The following ROCK1 variants were observed in gnomAD, a reference collection of about 807,000 sequenced individuals.
ROCK1 encodes Rho associated coiled-coil containing protein kinase 1, also known as rho-associated protein kinase 1.
A neutral mutation model predicts 196.8 loss-of-function variants in ROCK1; 36 were observed. That is an observed-to-expected ratio of 0.18 (90% CI 0.14 to 0.24). ROCK1 has a LOEUF of 0.24. Ranked by LOEUF, ROCK1 falls within the 10% of genes least tolerant of loss-of-function variation. The pLI is 1.00. For missense variants in ROCK1, 920 were observed against 1,562.0 expected, an observed-to-expected ratio of 0.59 and a Z score of 6.93; for synonymous variants, 443 against 515.9, an observed-to-expected ratio of 0.86 and a Z score of 1.91.
At position 20,950,665 on chromosome 18, in the gene ROCK1, T is replaced by TA. The variant is rs1351325417; in HGVS notation, c.*718dup. 1 of 152,468 alleles carries TA rather than the reference T, an allele frequency of 6.6e-6. No individual in the cohort carries two copies. Among genetic ancestry groups the TA allele is most frequent in the African/African-American group, 2.4e-5 (1 of 41,394 alleles). 9.4% of individuals were successfully genotyped at this position (152,468 alleles called of 1,614,324 possible). A position where few individuals can be genotyped will look rare whatever the true frequency, so the allele number is the denominator to read the frequency against. On this transcript the variant is annotated 3_prime_UTR_variant, in exon 33 of 33. Transcript: ENST00000399799. The stretch of plus-strand genomic sequence containing the variant: ...GTTAGTTTCCTAATGTCTCTAGTAG[T>TA]AAAATAACTCAATATGGCTTGGCAA...
chr18:21,082,889 TA>T (rs1216925470), intron 1 of ROCK1, among the ~76,000 whole-genome samples: 1 of 152,082 alleles, frequency 6.6e-6, no homozygotes, highest in Non-Finnish European at 1.5e-5. Flanking sequence ...GACATAAAAT[TA>T]TCTATTCACA....
In ROCK1 at chr18:21,021,688, C is replaced by A. The variant is rs116781553; in HGVS notation, c.1273-1449G>T. Among the ~76,000 whole-genome samples, 1,478 of 152,110 alleles carry A rather than the reference C, an allele frequency of 9.7e-3. 18 individuals are homozygous for A. The highest frequency in any genetic ancestry group is 0.034 in the African/African-American group (1,425 of 41,508). ...TCTAGGTTGAAATAATTAGTATATCCCCCCTGATATTATTAGAGCAAAAGA... is the reference window on the plus strand; with the variant it reads ...TCTAGGTTGAAATAATTAGTATATCACCCCTGATATTATTAGAGCAAAAGA... On this transcript the variant is annotated intron_variant, in intron 11 of 32. Transcript: ENST00000399799.
chr18:20,982,504 G>A (rs1448055809), intron 21 of ROCK1, among the ~76,000 whole-genome samples: 2 of 151,986 alleles, frequency 1.3e-5, no homozygotes, highest in Non-Finnish European at 2.9e-5. Flanking sequence ...CACTCGCCTC[G>A]GCCTCCCAAA....
At chr18:20,956,638 TA>T (rs1249059980) in intron 29 of ROCK1, among the ~76,000 whole-genome samples, 1 of 152,166 alleles carries the variant, frequency 6.6e-6, no homozygotes, top group Non-Finnish European at 1.5e-5. Flanking sequence ...CAACCTGACC[TA>T]AACATCCACC....
intron 29 of ROCK1, among the ~76,000 whole-genome samples, chr18:20,959,632 CT>C (rs1296219971): frequency 6.6e-6 from 1 of 151,304 alleles, no homozygotes; most frequent in Non-Finnish European, 1.5e-5. Flanking sequence ...AAAAAGTTGT[CT>C]TCCAAATACA....
chr18:21,051,441 G>A lies in ROCK1; in HGVS notation c.176-1561C>T, dbSNP rs576890195. Among the ~76,000 whole-genome samples, 12 of 152,194 alleles carry A rather than the reference G, an allele frequency of 7.9e-5. No homozygotes were observed. The South Asian group carries it at 1.2e-3, about 16-fold the overall frequency. On this transcript the variant is annotated intron_variant, in intron 2 of 32. Transcript: ENST00000399799. ...TGCACTCCAGTCTGGGCGACAGAGC[G>A]AAACTCTGTCTCAAAAAAAGGAAAG...
intron 1 of ROCK1, among the ~76,000 whole-genome samples, chr18:21,071,735 C>A (rs576359877): frequency 1.3e-5 from 2 of 151,932 alleles, no homozygotes; most frequent in Non-Finnish European, 2.9e-5. Context: ...GTAATCAGTT[C>A]CAGACAGGTC....
Position 20,973,461 on chromosome 18 carries a change from A to T in ROCK1, c.2655-2948T>A, listed in dbSNP as rs563954092. Among the ~76,000 whole-genome samples the T allele has an allele frequency of 2.0e-5, 3 of 152,028 alleles. 1 individual carries two copies. The South Asian group carries it at 6.2e-4, about 32-fold the overall frequency. The stretch of plus-strand genomic sequence containing the variant: ...CCCGGCTAATTTTTGCATTTTTAGT[A>T]GAGACGGGGTTTCACCGTGTTAGCC... On this transcript the variant is annotated intron_variant, in intron 22 of 32. Coordinates refer to ENST00000399799, the MANE Select transcript of ROCK1 (RefSeq NM_005406.3).
chr18:21,013,228 T>A (rs2143449295), intron 13 of ROCK1, among the ~76,000 whole-genome samples: 1 of 152,336 alleles, frequency 6.6e-6, no homozygotes, highest in Non-Finnish European at 1.5e-5. Context: ...TTAAAATCTC[T>A]TTTAGAAGGT....
At chr18:21,092,270 TA>T (rs753277403) in intron 1 of ROCK1, among the ~76,000 whole-genome samples, 1 of 151,938 alleles carries the variant, frequency 6.6e-6, no homozygotes, top group African/African-American at 2.4e-5. Context: ...CCTTCCCCAC[TA>T]AAAAAATTGG....
Sources: gnomAD v4.1 joint callset for allele counts (sites outside exome capture counted in the v4.1 genomes callset) on GRCh38, gnomAD v4.1.1 for gene constraint, MANE v1.5 for transcripts, NCBI Gene and HGNC (gene_info 2026-07-23, HGNC 2026-07-21) for gene names.